Variants in RSPH1 observed in about 807,000 individuals in gnomAD.
RSPH1 encodes radial spoke head component 1, also known as radial spoke head 1 homolog.
In RSPH1, 32 loss-of-function variants were observed where a neutral mutation model predicts 44.2. The ratio of observed to expected loss-of-function variants is 0.72; its 90% CI spans 0.55 to 0.97. The LOEUF is 0.97. Ranked by LOEUF, RSPH1 falls within the 50% of genes least tolerant of loss-of-function variation. RSPH1 has a pLI of 0.00. For missense variants in RSPH1, 391 were observed against 398.7 expected (o/e 0.98, Z 0.16); for synonymous variants, 134 against 147.3 (o/e 0.91, Z 0.65).
chr21:42,477,491 T>C (rs771816606), intron 6 of RSPH1, 47 bp from the exon 7 acceptor site: 1 of 1,592,806 alleles, frequency 6.3e-7, no homozygotes, highest in Non-Finnish European at 8.6e-7. Context: ...TGTGTCATCT[T>C]GGTCTGGAAT....
intron 6 of RSPH1, among the ~76,000 whole-genome samples, chr21:42,479,132 AT>A (rs1252781630): frequency 2.0e-5 from 3 of 152,206 alleles, no homozygotes; most frequent in Admixed American, 6.5e-5. Flanking sequence ...AAACGTACAT[AT>A]AAAACCATAA....
At chr21:42,491,613 C>T (rs2054236327) in intron 3 of RSPH1, among the ~76,000 whole-genome samples, 1 of 152,168 alleles carries the variant, frequency 6.6e-6, no homozygotes. Flanking sequence ...TCTTATAGAG[C>T]AAGCCTTCTG....
At chr21:42,486,305 A>AATC in intron 4 of RSPH1, 66 bp downstream of exon 4, 1 of 1,168,146 alleles carries the variant, frequency 8.6e-7, no homozygotes, top group Non-Finnish European at 1.3e-6. Context: ...AAGTGTAAAC[A>AATC]ATCTGCAGAC....
At chr21:42,476,898 A>T (rs1194178499) in intron 7 of RSPH1, among the ~76,000 whole-genome samples, 2 of 152,124 alleles carry the variant, frequency 1.3e-5, no homozygotes, top group Non-Finnish European at 2.9e-5. Context: ...AGAGAGTCCA[A>T]CCACACCTGG....
At position 42,472,956 on chromosome 21, in the gene RSPH1, G is replaced by A. The variant is rs766871446; in HGVS notation, c.878-86C>T. 80 of 955,480 alleles carry A rather than the reference G, an allele frequency of 8.4e-5. 1 individual carries two copies. Among genetic ancestry groups the A allele is most frequent in the Non-Finnish European group, 1.2e-4 (75 of 635,950 alleles). The allele number at this position is 955,480 out of a possible 1,614,324, so 59.2% of individuals were successfully genotyped here. A position where few individuals can be genotyped will look rare whatever the true frequency, so the allele number is the denominator to read the frequency against. On this transcript the variant is annotated intron_variant, in intron 8 of 8. Coordinates refer to ENST00000291536, the MANE Select transcript of RSPH1 (RefSeq NM_080860.4). ...TTTATTCACTAACAGATCTTTTGCC[G>A]AAAAAAATTATTGTAACTATTAAGC...
intron 2 of RSPH1, 42 bp downstream of exon 2, chr21:42,492,924 A>G (rs773148943): frequency 3.1e-6 from 5 of 1,593,784 alleles, no homozygotes; most frequent in Non-Finnish European, 8.6e-7. Context: ...CTAACAGAGT[A>G]TTAAATAGAG....
At chr21:42,481,247 C>T (rs73227533) in intron 6 of RSPH1, among the ~76,000 whole-genome samples, 8,590 of 152,084 alleles carry the variant, frequency 0.056, 359 homozygotes, top group Non-Finnish European at 0.087. Context: ...TCTTTTCCTC[C>T]TCTTTTGAGC....
intron 3 of RSPH1, 88 bp downstream of exon 3, chr21:42,492,670 C>G (rs1305356248): frequency 9.3e-6 from 7 of 749,114 alleles, no homozygotes; most frequent in African/African-American, 1.7e-5. Flanking sequence ...TAAGCTTTCT[C>G]ATACATGTCA....
In RSPH1 at chr21:42,486,378, G is replaced by A. The variant is rs369525575; in HGVS notation, c.358C>T (p.His120Tyr). ...CCAAGATAGAAACCGAACCTTTGAT[G>A]AGCAAACCACTCTCCAGTGTAGGTG... ...NDTYTGEWFA[H>Y]QRHGQGTYLY... is the part of the protein sequence containing the mutation. The change falls in exon 4 of 9, where the codon CAT becomes TAT. Residue 120 changes from histidine (H) to tyrosine (Y), a missense_variant. Physicochemically the swap from His to Tyr is moderately conservative, Grantham distance 83 (BLOSUM62 2). Transcript: ENST00000291536. The A allele has an allele frequency of 3.1e-6, 5 of 1,612,348 alleles. No homozygotes were observed. The African/African-American group carries it at 5.3e-5, about 17-fold the overall frequency.
In RSPH1 at chr21:42,472,784, CT is replaced by C. The variant is rs149532360; in HGVS notation, c.*33del. 5.5e-4 allele frequency: 856 copies of C among 1,552,712 alleles called. 2 individuals carry two copies. The African/African-American group carries it at 0.01, about 19-fold the overall frequency. On this transcript the variant is annotated 3_prime_UTR_variant, in exon 9 of 9. Transcript: ENST00000291536. ...GCACCCGGCTAACGACAGAAGCATT[CT>C]TATGATACGATCTCCTCTCGGCTCA...
At position 42,491,763 on chromosome 21, in the gene RSPH1, G is replaced by A. The variant is rs533211431; in HGVS notation, c.274+995C>T. ...ACCTACTGGTTCTTATTTTATCTAG[G>A]AGCAAAGCAAGCAACTATAGCTCGC... On this transcript the variant is annotated intron_variant, in intron 3 of 8. Transcript: ENST00000291536. 5.9e-5 allele frequency among the ~76,000 whole-genome samples: 9 copies of A among 152,202 alleles called. No individual in the cohort carries two copies. In the South Asian group the frequency reaches 1.9e-3, roughly 32 times the overall value.
rs748503692 is a variant in RSPH1 at position 42,477,323 on chromosome 21, T to C, written c.695A>G (p.Asp232Gly). The C allele has an allele frequency of 1.2e-6, 2 of 1,607,658 alleles. No individual in the cohort carries two copies. The highest frequency in any genetic ancestry group is 1.7e-5 in the Admixed American group (1 of 59,734). Residue 232 changes from aspartate (D) to glycine (G), a missense_variant, in exon 7 of 9, where the codon GAT becomes GGT. Coordinates refer to ENST00000291536, the MANE Select transcript of RSPH1 (RefSeq NM_080860.4). The stretch of plus-strand genomic sequence containing the variant: ...TCCTGGAGCGTCTTGGCCAGGTCCA[T>C]CCGTAGAGGTCGGCTTTTTGGGGAG... The part of the protein sequence containing the change: ...PTLPKKPTST[D>G]GPGQDAPGAE...
intron 3 of RSPH1, among the ~76,000 whole-genome samples, chr21:42,487,686 G>C (rs1330622035): frequency 6.6e-6 from 1 of 151,748 alleles, no homozygotes; most frequent in African/African-American, 2.4e-5. Context: ...TTTTTAAAGA[G>C]GTTCTCAAAA....
intron 1 of RSPH1, chr21:42,495,900 G>A: frequency 5.5e-6 from 3 of 546,148 alleles, no homozygotes; most frequent in Non-Finnish European, 9.9e-6. Context: ...GGATGGGGGT[G>A]GGGGAAGAAC....
At chr21:42,488,513 A>G (rs1249504939) in intron 3 of RSPH1, among the ~76,000 whole-genome samples, 4 of 152,206 alleles carry the variant, frequency 2.6e-5, no homozygotes, top group African/African-American at 9.7e-5. Flanking sequence ...TGACAAAATT[A>G]TTACATCCCT....
Position 42,474,237 on chromosome 21 carries a change from G to T in RSPH1, c.878-1367C>A, listed in dbSNP as rs149866401. Among the ~76,000 whole-genome samples the T allele has an allele frequency of 2.4e-3, 363 of 152,250 alleles. 1 individual carries two copies. Among genetic ancestry groups the T allele is most frequent in the African/African-American group, 8.2e-3 (340 of 41,546 alleles). On this transcript the variant is annotated intron_variant, in intron 8 of 8. Coordinates refer to ENST00000291536, the MANE Select transcript of RSPH1 (RefSeq NM_080860.4). The surrounding 1 kb of genome is among the most constrained non-coding windows in gnomAD (Gnocchi z 5.2). ...AAGGCCATCTGGTTCCAAGGGAAAGGGGCCACCTCCCCACCCCCACACTCT... is the reference window on the plus strand; with the variant it reads ...AAGGCCATCTGGTTCCAAGGGAAAGTGGCCACCTCCCCACCCCCACACTCT...
chr21:42,489,082 T>G (rs1448857061), intron 3 of RSPH1, among the ~76,000 whole-genome samples: 1 of 151,870 alleles, frequency 6.6e-6, no homozygotes, highest in Non-Finnish European at 1.5e-5. Flanking sequence ...GCTAACCGAT[T>G]GGTTGGTTGG....
chr21:42,485,446 A>G (rs993139499), intron 5 of RSPH1: 1 of 573,036 alleles, frequency 1.7e-6, no homozygotes, highest in Non-Finnish European at 3.1e-6. Flanking sequence ...GGGAATTTGT[A>G]CTGAGATCCA....
chr21:42,494,745 G>T (rs1000299483), intron 1 of RSPH1, among the ~76,000 whole-genome samples: 6 of 151,558 alleles, frequency 4.0e-5, no homozygotes, highest in African/African-American at 1.5e-4. Context: ...TGTTGCCCAG[G>T]CTGGAGTGCA....
Sources: allele counts gnomAD v4.1 joint callset (sites outside exome capture counted in the v4.1 genomes callset), GRCh38; gene constraint gnomAD v4.1.1; non-coding constraint Gnocchi (gnomAD v3.1); transcripts MANE v1.5; gene names NCBI Gene and HGNC (gene_info 2026-07-23, HGNC 2026-07-21).